The following TLCD2 variants were observed in gnomAD, a reference collection of about 807,000 sequenced individuals.
TLCD2 encodes TLC domain containing 2.
TLCD2 carries 12 observed loss-of-function variants against 14.0 expected under a neutral mutation model. The ratio of observed to expected loss-of-function variants is 0.86; its 90% CI spans 0.55 to 1.39. The LOEUF (loss-of-function observed/expected upper bound fraction) is 1.39, where lower values mean the gene tolerates loss of function less well. Ranked by LOEUF, TLCD2 falls within the 40% of genes most tolerant of loss-of-function variation. The pLI is 0.00. For missense variants in TLCD2, 360 were observed against 346.8 expected, an observed-to-expected ratio of 1.04 and a Z score of -0.30; for synonymous variants, 166 against 156.5, an observed-to-expected ratio of 1.06 and a Z score of -0.45.
chr17:1,708,270 A>G, intron 3 of TLCD2, 48 bp from the exon 4 acceptor site: 15 of 1,405,494 alleles, frequency 1.1e-5, no homozygotes, highest in Non-Finnish European at 1.4e-5. Flanking sequence ...CCTGCCAGCC[A>G]TCATGTCCCA....
intron 2 of TLCD2, 71 bp downstream of exon 2, chr17:1,709,733 A>G (rs1240951890): frequency 8.1e-7 from 1 of 1,227,626 alleles, no homozygotes; most frequent in Non-Finnish European, 1.1e-6. Flanking sequence ...CGGGGAATGG[A>G]CCTGGAAGGA....
chr17:1,710,247 T>A lies in TLCD2; in HGVS notation c.-5A>T. ...CAGGAGCCCCGTGGGCGCCATGGCC[T>A]GGCGGTTGGGGGGTTGCGGGGAGTC... On this transcript the variant is annotated 5_prime_UTR_variant, in exon 1 of 4. Transcript: ENST00000330676. This position sits in a 1 kb window ranked among gnomAD's most constrained non-coding sequence, Gnocchi z 6.1. The A allele has an allele frequency of 6.6e-7, 1 of 1,519,574 alleles. No homozygotes were observed. The highest frequency in any genetic ancestry group is 8.8e-7 in the Non-Finnish European group (1 of 1,140,704). The allele number at this position is 1,519,574 out of a possible 1,614,324, so 94.1% of individuals were successfully genotyped here.
Position 1,708,123 on chromosome 17 carries a change from G to C in TLCD2, c.442C>G (p.Arg148Gly). The C allele has an allele frequency of 1.3e-6, 2 of 1,536,928 alleles. No individual in the cohort carries two copies. The highest frequency in any genetic ancestry group is 1.7e-6 in the Non-Finnish European group (2 of 1,146,888). Residue 148 changes from arginine (R) to glycine (G), a missense_variant, in exon 4 of 4, where the codon CGG becomes GGG. Coordinates refer to ENST00000330676, the MANE Select transcript of TLCD2 (RefSeq NM_001164407.2). ...LELNSACLHL[R>G]KLLLLSRQAP... ...TGGCGAGAAAGCAACAGCAGCTTCC[G>C]CAGGTGCAAGCAGGCAGAGTTCAGT...
In TLCD2 at chr17:1,703,169, A is replaced by G. The variant is rs1913928746; in HGVS notation, c.*4601T>C. On this transcript the variant is annotated 3_prime_UTR_variant, in exon 4 of 4. Coordinates refer to ENST00000330676, the MANE Select transcript of TLCD2 (RefSeq NM_001164407.2). ...TTGCCCACACTCCAATTCTCTGCCT[A>G]CTTACTCAGTTGTAATCACAATCCA... The G allele has an allele frequency of 4.0e-5, 6 of 151,682 alleles. No individual in the cohort carries two copies. The highest frequency in any genetic ancestry group is 4.0e-4 in the Admixed American group (6 of 15,186). The allele number at this position is 151,682 out of a possible 1,614,324, so 9.4% of individuals were successfully genotyped here.
Position 1,703,279 on chromosome 17 carries a change from T to C in TLCD2, c.*4491A>G, listed in dbSNP as rs1454347809. The C allele has an allele frequency of 6.6e-6, 1 of 152,178 alleles. No individual in the cohort carries two copies. Among genetic ancestry groups the C allele is most frequent in the Non-Finnish European group, 1.5e-5 (1 of 68,042 alleles). The allele number at this position is 152,178 out of a possible 1,614,324, so 9.4% of individuals were successfully genotyped here. The stretch of plus-strand genomic sequence containing the variant: ...ATTCTTCCAAGCGTCCACTACATCC[T>C]GCCCCACCTGGGAGCTGACCTCACT... On this transcript the variant is annotated 3_prime_UTR_variant, in exon 4 of 4. Transcript: ENST00000330676.
intron 3 of TLCD2, among the ~76,000 whole-genome samples, chr17:1,708,629 G>A (rs7211625): frequency 0.048 from 7,295 of 151,974 alleles, 585 homozygotes; most frequent in African/African-American, 0.17. Context: ...TGGGACTACC[G>A]GTGCGCGCCA....
At chr17:1,709,366 G>T in intron 3 of TLCD2, 133 bp downstream of exon 3, 1 of 721,160 alleles carries the variant, frequency 1.4e-6, no homozygotes, top group East Asian at 2.7e-5. Flanking sequence ...CCCCAGCCTG[G>T]GTGACAGAGT....
Sources: allele counts gnomAD v4.1 joint callset (sites outside exome capture counted in the v4.1 genomes callset), GRCh38; gene constraint gnomAD v4.1.1; non-coding constraint Gnocchi (gnomAD v3.1); transcripts MANE v1.5; gene names NCBI Gene and HGNC (gene_info 2026-07-23, HGNC 2026-07-21).